Variants in SPG7 observed in about 807,000 individuals in gnomAD.
The protein encoded by SPG7 is SPG7 matrix AAA peptidase subunit, paraplegin.
A neutral mutation model predicts 81.9 loss-of-function variants in SPG7; 103 were observed. That is an observed-to-expected ratio of 1.26 (90% confidence interval 1.07 to 1.48). SPG7 has a LOEUF of 1.48. Ranked by LOEUF, SPG7 falls within the 40% of genes most tolerant of loss-of-function variation. The pLI is 0.00. For synonymous variants in SPG7, 534 were observed against 444.2 expected, an observed-to-expected ratio of 1.20 and a Z score of -2.54; for missense variants, 1,241 against 1,087.3, an observed-to-expected ratio of 1.14 and a Z score of -1.99.
chr16:89,550,362 G>C (rs541669084), intron 12 of SPG7, 132 bp from the exon 13 acceptor site: 1 of 727,252 alleles, frequency 1.4e-6, no homozygotes, highest in African/African-American at 1.7e-5. Context: ...TAGTAGGGAC[G>C]GGGTTTCACC....
In SPG7 at chr16:89,544,745, C is replaced by G. The variant is rs201482100; in HGVS notation, c.1422C>G (p.His474Gln). ...ALMRPGRLDR[H>Q]VFIDLPTLQE... The stretch of plus-strand genomic sequence containing the variant: ...TGAGGCCAGGCCGACTGGACCGGCA[C>G]GTCTTCATTGATCTCCCCACGCTGC... Residue 474 changes from histidine to glutamine, a missense_variant, in exon 10 of 17, where the codon CAC (histidine) becomes CAG (glutamine). Physicochemically the swap from His to Gln is conservative, Grantham distance 24. Coordinates refer to ENST00000645818, the MANE Select transcript of SPG7 (RefSeq NM_003119.4). 1 of 1,614,118 alleles carries G rather than the reference C, an allele frequency of 6.2e-7. No individual in the cohort carries two copies. Among genetic ancestry groups the G allele is most frequent in the Non-Finnish European group, 8.5e-7 (1 of 1,180,000 alleles).
intron 12 of SPG7, chr16:89,549,260 A>G: frequency 2.2e-6 from 1 of 456,966 alleles, no homozygotes; most frequent in South Asian, 1.5e-5. Flanking sequence ...GCTCAGGACC[A>G]CGAGCTGATT....
chr16:89,526,581 T>C (rs533578654), intron 5 of SPG7, 113 bp downstream of exon 5: 2 of 1,108,410 alleles, frequency 1.8e-6, no homozygotes, highest in East Asian at 2.4e-5. Flanking sequence ...TTAACTAGAC[T>C]TTTTAGTGGG....
intron 3 of SPG7, chr16:89,518,612 G>A (rs2058137722): frequency 6.6e-6 from 1 of 152,132 alleles, no homozygotes; most frequent in South Asian, 2.1e-4. Context: ...GTGGAAAAAA[G>A]GCCCCGCTCA....
At chr16:89,513,840 A>G (rs1045492384) in intron 3 of SPG7, among the ~76,000 whole-genome samples, 2 of 152,258 alleles carry the variant, frequency 1.3e-5, no homozygotes, top group Non-Finnish European at 2.9e-5. Flanking sequence ...AGGAACTGTC[A>G]TAAGGACTTT....
chr16:89,538,825 C>T (rs563369832), intron 9 of SPG7: 1 of 152,380 alleles, frequency 6.6e-6, no homozygotes, highest in African/African-American at 2.4e-5. Flanking sequence ...AAGTTGAGGG[C>T]CTCTCAGGGG....
chr16:89,556,289 G>A (rs1030022291), intron 16 of SPG7: 7 of 395,432 alleles, frequency 1.8e-5, no homozygotes, highest in African/African-American at 1.4e-4. Flanking sequence ...GAAGAGTGAG[G>A]AAAGGAGCAG....
chr16:89,537,491 C>A, intron 9 of SPG7: 1 of 999,280 alleles, frequency 1.0e-6, no homozygotes, highest in Non-Finnish European at 1.2e-6. Flanking sequence ...CCCTGACGTG[C>A]AGCCACACAC....
At chr16:89,512,389 C>T (rs1404342941) in intron 2 of SPG7, among the ~76,000 whole-genome samples, 1 of 151,926 alleles carries the variant, frequency 6.6e-6, no homozygotes, top group East Asian at 1.9e-4. Flanking sequence ...GATCTCAGCT[C>T]ACTGCAACCT....
At chr16:89,525,721 G>GGAT (rs2058251256) in intron 4 of SPG7, among the ~76,000 whole-genome samples, 1 of 152,142 alleles carries the variant, frequency 6.6e-6, no homozygotes, top group South Asian at 2.1e-4. Flanking sequence ...CTGGTGTGAG[G>GGAT]GATGAACAGT....
chr16:89,533,773 G>A (rs1034513435), intron 9 of SPG7: 13 of 152,050 alleles, frequency 8.5e-5, no homozygotes, highest in Admixed American at 8.5e-4. Context: ...AAGGTGACAT[G>A]GAATTATTTT....
intron 3 of SPG7, 112 bp downstream of exon 3, chr16:89,513,149 GC>G: frequency 6.8e-7 from 1 of 1,465,512 alleles, no homozygotes; most frequent in African/African-American, 1.4e-5. Context: ...TGGGCCGGGT[GC>G]AGTGGCTCAC....
chr16:89,530,630 C>G (rs775383870), intron 6 of SPG7, 53 bp from the exon 7 acceptor site: 16 of 1,612,874 alleles, frequency 9.9e-6, no homozygotes, highest in Non-Finnish European at 1.3e-5. Context: ...TGGCATCGTG[C>G]TGCTGATTTC....
At chr16:89,547,531 G>C in intron 11 of SPG7, 1 of 217,540 alleles carries the variant, frequency 4.6e-6, no homozygotes, top group Non-Finnish European at 9.3e-6. Flanking sequence ...CCTGGCGCCA[G>C]CTCCCCGTGC....
In SPG7 at chr16:89,551,056, GTC is replaced by G. The variant is rs1374660882; in HGVS notation, c.1779+451_1779+452del. On this transcript the variant is annotated intron_variant, in intron 13 of 16. Coordinates refer to ENST00000645818, the MANE Select transcript of SPG7 (RefSeq NM_003119.4). Reference sequence around the variant, plus strand: ...CCAGCCTGGCCAACAGGGCAAAACTGTCTCTACTTCAAACAAACAAACAAAAA... The same window carrying G: ...CCAGCCTGGCCAACAGGGCAAAACTGTCTACTTCAAACAAACAAACAAAAA... The G allele has an allele frequency of 8.1e-5, 20 of 247,766 alleles. No individual in the cohort carries two copies. The South Asian group carries it at 8.8e-4, about 11-fold the overall frequency. The allele number at this position is 247,766 out of a possible 1,614,324, so 15.3% of individuals were successfully genotyped here.
At chr16:89,525,903 C>T (rs1346239857) in intron 4 of SPG7, among the ~76,000 whole-genome samples, 2 of 152,156 alleles carry the variant, frequency 1.3e-5, no homozygotes, top group Admixed American at 6.5e-5. Context: ...ACACATCAGA[C>T]GTGGGGCTGT....
intron 13 of SPG7, chr16:89,552,016 G>T (rs2058639282): frequency 6.6e-6 from 1 of 152,314 alleles, no homozygotes; most frequent in South Asian, 2.1e-4. Context: ...TGGCTGTTAT[G>T]GTTTTGGTCA....
At chr16:89,512,869 T>C in intron 2 of SPG7, 79 bp from the exon 3 acceptor site, 4 of 1,515,966 alleles carry the variant, frequency 2.6e-6, no homozygotes, top group Non-Finnish European at 3.6e-6. Flanking sequence ...TTTGGTTATT[T>C]AGGAGTACAC....
chr16:89,512,450 T>A (rs984707668), intron 2 of SPG7, among the ~76,000 whole-genome samples: 3 of 152,140 alleles, frequency 2.0e-5, no homozygotes, highest in Non-Finnish European at 4.4e-5. Flanking sequence ...GTAGCTGGGA[T>A]TACAAGCGCC....
Sources: gnomAD v4.1 joint callset for allele counts (sites outside exome capture counted in the v4.1 genomes callset) on GRCh38, gnomAD v4.1.1 for gene constraint, MANE v1.5 for transcripts, NCBI Gene and HGNC (gene_info 2026-07-23, HGNC 2026-07-21) for gene names.